Variants in WDR74 observed in about 807,000 individuals in gnomAD.
WDR74 encodes the protein WD repeat domain 74.
WDR74 carries 31 observed loss-of-function variants against 45.6 expected under a neutral mutation model. The ratio of observed to expected loss-of-function variants is 0.68; its 90% CI spans 0.51 to 0.92. The LOEUF (loss-of-function observed/expected upper bound fraction) is 0.92. Ranked by LOEUF, WDR74 falls within the 40% of genes least tolerant of loss-of-function variation. WDR74 has a pLI of 0.00. For synonymous variants in WDR74, 191 were observed against 192.4 expected (o/e 0.99, Z 0.06); for missense variants, 455 against 497.2 (o/e 0.92, Z 0.81).
At chr11:62,841,173 T>A (rs2085039448), upstream of WDR74, among the ~76,000 whole-genome samples, 1 of 152,018 alleles carries the variant, frequency 6.6e-6, no homozygotes, top group Admixed American at 6.6e-5. Flanking sequence ...AAAAATTCGC[T>A]GGGCGTGGTG....
intron 6 of WDR74, chr11:62,835,108 T>A (rs927455200): frequency 3.5e-6 from 1 of 282,332 alleles, no homozygotes; most frequent in African/African-American, 2.2e-5. Flanking sequence ...TCAGAGAGGC[T>A]GCATCAGGAC....
Position 62,832,982 on chromosome 11 carries a change from C to G in WDR74, c.1128G>C (p.Lys376Asn). Residue 376 changes from lysine to asparagine, a missense_variant, in exon 11 of 11, where the codon AAG becomes AAC. Lys to Asn is a moderately conservative substitution (Grantham distance 94). Transcript: ENST00000278856. ...GGCTGGTGGACCCAGGCCGCTTCTT[C>G]TTTCTCCGTCTCGTTTGGAGAGCTC... ...PQGALQTRRR[K>N]KKRPGSTSP The G allele has an allele frequency of 3.7e-6, 6 of 1,607,078 alleles. No individual in the cohort carries two copies. The highest frequency in any genetic ancestry group is 4.2e-6 in the Non-Finnish European group (5 of 1,177,322).
chr11:62,833,604 GC>G lies in WDR74; in HGVS notation c.978+13del. The G allele has an allele frequency of 6.4e-7, 1 of 1,551,662 alleles. No individual in the cohort carries two copies. Among genetic ancestry groups the G allele is most frequent in the Non-Finnish European group, 8.7e-7 (1 of 1,147,034 alleles). ...ATGCCCTTGGCTCCCACATTCCCGGGCCCAACTGCTCACCTCCCAGTTGTCC... is the reference window on the plus strand; with the variant it reads ...ATGCCCTTGGCTCCCACATTCCCGGGCCAACTGCTCACCTCCCAGTTGTCC... On this transcript the variant is annotated intron_variant, in intron 10 of 10. Transcript: ENST00000278856.
chr11:62,841,456 A>G (rs764580610), upstream of WDR74: 2 of 152,230 alleles, frequency 1.3e-5, no homozygotes, highest in Non-Finnish European at 2.9e-5. Context: ...GTGCTCAGTT[A>G]TAAAACAAAA....
At chr11:62,836,319 T>C (rs112006090) in intron 3 of WDR74, 175 of 380,666 alleles carry the variant, frequency 4.6e-4, no homozygotes, top group African/African-American at 1.8e-3. Flanking sequence ...AGTGAGGAAA[T>C]AGAAGCGCTG....
chr11:62,834,238 G>T (rs1213800326), intron 8 of WDR74, 38 bp downstream of exon 8: 1 of 1,613,424 alleles, frequency 6.2e-7, no homozygotes, highest in Admixed American at 1.7e-5. Flanking sequence ...CCTTCTCCCT[G>T]CTCCTTCCTT....
intron 6 of WDR74, 140 bp from the exon 7 acceptor site, chr11:62,834,667 C>T: frequency 1.4e-6 from 1 of 712,658 alleles, no homozygotes; most frequent in Non-Finnish European, 2.3e-6. Flanking sequence ...TAGATGTATG[C>T]CTCTTCTCTG....
upstream of WDR74, chr11:62,841,523 A>G (rs898613439): frequency 1.3e-5 from 2 of 151,928 alleles, no homozygotes; most frequent in East Asian, 1.9e-4. Flanking sequence ...CGATAAAAAC[A>G]CCTAATCCAA....
At chr11:62,841,258 A>C (rs1006357626), upstream of WDR74, among the ~76,000 whole-genome samples, 4 of 152,200 alleles carry the variant, frequency 2.6e-5, no homozygotes, top group Non-Finnish European at 5.9e-5. Flanking sequence ...CGGATGTTGC[A>C]GTGAGCTGAG....
upstream of WDR74, chr11:62,839,754 A>G: frequency 2.7e-6 from 2 of 735,490 alleles, no homozygotes; most frequent in Non-Finnish European, 4.3e-6. Context: ...AGATCGGAAG[A>G]ATACATTGAT....
chr11:62,838,211 G>A (rs183499127), intron 3 of WDR74, among the ~76,000 whole-genome samples: 374 of 152,232 alleles, frequency 2.5e-3, no homozygotes, highest in Non-Finnish European at 4.1e-3. Context: ...GGAGTGCACT[G>A]GTGCGATCTC....
upstream of WDR74, chr11:62,839,649 C>G (rs1049492574): frequency 5.7e-5 from 86 of 1,504,402 alleles, no homozygotes; most frequent in Non-Finnish European, 7.1e-5. Context: ...CGATGCAGCG[C>G]AGTGTAGTTG....
chr11:62,837,700 C>T (rs2084980008), intron 3 of WDR74, among the ~76,000 whole-genome samples: 1 of 152,124 alleles, frequency 6.6e-6, no homozygotes, highest in Admixed American at 6.6e-5. Flanking sequence ...GTTCAGACAT[C>T]CAGTCCCCCC....
Position 62,833,664 on chromosome 11 carries a change from T to G in WDR74, c.932A>C (p.Lys311Thr). 1 of 1,555,388 alleles carries G rather than the reference T, an allele frequency of 6.4e-7. No homozygotes were observed. The highest frequency in any genetic ancestry group is 8.7e-7 in the Non-Finnish European group (1 of 1,149,042). The change falls in exon 10 of 11, where the codon AAG becomes ACG. Residue 311 changes from lysine (K) to threonine (T), a missense_variant. Transcript: ENST00000278856. ...PRGLEHKVYL[K>T]SQLNCLLLSG... Reference sequence around the variant, plus strand: ...CAAGAGGAGGCAGTTCAATTGAGACTTGAGATAAACCTGCAAAAGATGAGG... The same window carrying G: ...CAAGAGGAGGCAGTTCAATTGAGACGTGAGATAAACCTGCAAAAGATGAGG...
At chr11:62,840,588 A>G (rs957088098), upstream of WDR74, among the ~76,000 whole-genome samples, 2 of 152,164 alleles carry the variant, frequency 1.3e-5, no homozygotes, top group African/African-American at 4.8e-5. Flanking sequence ...CGTAAATAGG[A>G]GAGGGAAGTC....
intron 9 of WDR74, 55 bp from the exon 10 acceptor site, chr11:62,833,729 C>G: frequency 6.3e-7 from 1 of 1,593,030 alleles, no homozygotes; most frequent in Non-Finnish European, 8.6e-7. Flanking sequence ...GAAACATGAA[C>G]GGAGGGCACA....
rs1186225700 is a variant in WDR74, at chr11:62,839,343, C to T, written c.150G>A (p.Trp50Ter). 1 of 1,611,312 alleles carries T rather than the reference C, an allele frequency of 6.2e-7. No individual in the cohort carries two copies. The highest frequency in any genetic ancestry group is 8.5e-7 in the Non-Finnish European group (1 of 1,179,720). The change falls in exon 2 of 11, where the codon TGG becomes TGA. Residue 50 changes from tryptophan to a stop codon, truncating the protein, a stop_gained. Coordinates refer to ENST00000278856, the MANE Select transcript of WDR74 (RefSeq NM_001369450.1). LOFTEE classifies it high-confidence loss of function. ...TCACCTGGGTCTCGCCGCCGGTGCC[C>T]CAACACAGGGCGCTCACTGCCTCCT... ...RREEAVSALC[W>*]GTGGETQMLV...
upstream of WDR74, chr11:62,841,670 T>G (rs1042842023): frequency 7.9e-5 from 12 of 152,068 alleles, no homozygotes; most frequent in African/African-American, 4.8e-5. Context: ...ATGCGTGGAG[T>G]GGACGGAGCA....
At chr11:62,834,130 A>C in intron 8 of WDR74, 146 bp downstream of exon 8, 1 of 1,456,836 alleles carries the variant, frequency 6.9e-7, no homozygotes, top group Non-Finnish European at 9.5e-7. Flanking sequence ...GTTTAAGGTC[A>C]TACAGCTTTT....
Sources: gnomAD v4.1 joint callset for allele counts (sites outside exome capture counted in the v4.1 genomes callset) on GRCh38, gnomAD v4.1.1 for gene constraint, MANE v1.5 for transcripts, NCBI Gene and HGNC (gene_info 2026-07-23, HGNC 2026-07-21) for gene names.